The following CACNG5 variants were observed in gnomAD, a reference collection of about 807,000 sequenced individuals.
CACNG5 encodes the protein calcium voltage-gated channel auxiliary subunit gamma 5.
Under a neutral mutation model 24.8 loss-of-function variants are expected in CACNG5, and 18 were observed. The observed-to-expected ratio is 0.73, with a 90% CI of 0.50 to 1.08. CACNG5 has a LOEUF of 1.08. Among genes scored for constraint, CACNG5 ranks in the 50% least tolerant of loss-of-function variants. CACNG5 has a pLI of 0.00. For missense variants in CACNG5, 349 were observed against 367.9 expected, an observed-to-expected ratio of 0.95 and a Z score of 0.42; for synonymous variants, 157 against 149.1, an observed-to-expected ratio of 1.05 and a Z score of -0.39.
intron 1 of CACNG5, among the ~76,000 whole-genome samples, chr17:66,873,629 T>C (rs928891692): frequency 2.0e-5 from 3 of 152,184 alleles, no homozygotes; most frequent in African/African-American, 7.2e-5. Flanking sequence ...TAGTCCACTG[T>C]TGCTTAATAA....
intron 1 of CACNG5, 52 bp from the exon 2 acceptor site, chr17:66,877,178 G>A (rs1977091437): frequency 3.2e-6 from 2 of 622,822 alleles, no homozygotes; most frequent in Non-Finnish European, 5.6e-6. Context: ...CATCCATTGA[G>A]CCAGGTTGGG....
At chr17:66,847,347 T>C (rs1261307388) in intron 1 of CACNG5, among the ~76,000 whole-genome samples, 1 of 152,132 alleles carries the variant, frequency 6.6e-6, no homozygotes, top group Non-Finnish European at 1.5e-5. Context: ...GCTGGATAAT[T>C]TATAAAGAAA....
rs1454723457 is a variant in CACNG5, at chr17:66,886,932, G to T, written c.*1692G>T. ...ATGTGGTCTGTGTGCCCGTGTCCCT[G>T]GTGTCCCTCAGTGTGTCCACATTCC... On this transcript the variant is annotated 3_prime_UTR_variant, in exon 6 of 6. Transcript: ENST00000533854. Among the ~76,000 whole-genome samples the T allele has an allele frequency of 6.6e-6, 1 of 152,132 alleles. No individual in the cohort carries two copies. The highest frequency in any genetic ancestry group is 1.5e-5 in the Non-Finnish European group (1 of 68,030).
In CACNG5 at chr17:66,888,410, G is replaced by C. The variant is rs1977293772; in HGVS notation, c.*3170G>C. Among the ~76,000 whole-genome samples, 1 of 151,578 alleles carries C rather than the reference G, an allele frequency of 6.6e-6. No individual in the cohort carries two copies. The highest frequency in any genetic ancestry group is 2.4e-5 in the African/African-American group (1 of 41,308). On this transcript the variant is annotated 3_prime_UTR_variant, in exon 6 of 6. Transcript: ENST00000533854. The stretch of plus-strand genomic sequence containing the variant: ...ATACAAAAAATTAGCTGGGCGTGGT[G>C]GTGGGAGCCTGTAGTCCCAGCTACT...
chr17:66,882,146 G>C (rs1568073119), intron 4 of CACNG5, among the ~76,000 whole-genome samples: 1 of 152,182 alleles, frequency 6.6e-6, no homozygotes, highest in African/African-American at 2.4e-5. Context: ...GTGGAAAAGA[G>C]AGAAATGAGA....
In CACNG5 at chr17:66,878,987, G is replaced by A. The variant is rs763442575; in HGVS notation, c.212G>A (p.Arg71His). The change falls in exon 3 of 6, where the codon CGT (arginine) becomes CAT (histidine). Residue 71 changes from arginine (R) to histidine (H), a missense_variant. By Grantham distance (29) the Arg-to-His change is conservative. Transcript: ENST00000533854. The part of the protein sequence containing the change: ...VCFLAGEERG[R>H]CFTIEYVMPM... ...GTCTCCACAGGTGAGGAGCGGGGGCGTTGCTTCACCATAGAATATGTGATG... is the reference window on the plus strand; with the variant it reads ...GTCTCCACAGGTGAGGAGCGGGGGCATTGCTTCACCATAGAATATGTGATG... 8.4e-5 allele frequency: 135 copies of A among 1,613,066 alleles called. 1 individual carries two copies. The highest frequency in any genetic ancestry group is 2.7e-4 in the South Asian group (25 of 90,944).
At chr17:66,862,930 G>T (rs1027853025) in intron 1 of CACNG5, among the ~76,000 whole-genome samples, 1 of 140,528 alleles carries the variant, frequency 7.1e-6, no homozygotes, top group South Asian at 2.3e-4. Flanking sequence ...GTGTGTGTGT[G>T]TGTGTGTGTC....
Position 66,888,405 on chromosome 17 carries a change from G to C in CACNG5, c.*3165G>C, listed in dbSNP as rs1057285575. On this transcript the variant is annotated 3_prime_UTR_variant, in exon 6 of 6. Coordinates refer to ENST00000533854, the MANE Select transcript of CACNG5 (RefSeq NM_145811.3). Reference sequence around the variant, plus strand: ...TAAAAATACAAAAAATTAGCTGGGCGTGGTGGTGGGAGCCTGTAGTCCCAG... The same window carrying C: ...TAAAAATACAAAAAATTAGCTGGGCCTGGTGGTGGGAGCCTGTAGTCCCAG... Among the ~76,000 whole-genome samples, 1 of 151,546 alleles carries C rather than the reference G, an allele frequency of 6.6e-6. No homozygotes were observed. The highest frequency in any genetic ancestry group is 2.4e-5 in the African/African-American group (1 of 41,314).
In CACNG5 at chr17:66,889,365, G is replaced by A. The variant is rs1325584085; in HGVS notation, c.*4125G>A. The stretch of plus-strand genomic sequence containing the variant: ...TACCAGGGCTGCATGCAGAGCTGGG[G>A]TGGGGGCGTGGGGGAAATCCATAGG... On this transcript the variant is annotated 3_prime_UTR_variant, in exon 6 of 6. Transcript: ENST00000533854. Among the ~76,000 whole-genome samples the A allele has an allele frequency of 6.6e-6, 1 of 152,184 alleles. No homozygotes were observed. The highest frequency in any genetic ancestry group is 1.9e-4 in the East Asian group (1 of 5,192).
At chr17:66,839,661 G>A (rs1191642715) in intron 1 of CACNG5, among the ~76,000 whole-genome samples, 1 of 88,172 alleles carries the variant, frequency 1.1e-5, no homozygotes, top group East Asian at 9.7e-4. Context: ...GAAAATGGAG[G>A]AACATGGAGG....
intron 1 of CACNG5, among the ~76,000 whole-genome samples, chr17:66,840,432 G>A (rs753422678): frequency 9.9e-5 from 15 of 152,068 alleles, no homozygotes; most frequent in African/African-American, 2.7e-4. Flanking sequence ...ATGCTGCCCC[G>A]GCTTCCCCAG....
intron 1 of CACNG5, among the ~76,000 whole-genome samples, chr17:66,838,316 A>C (rs1345161477): frequency 6.6e-6 from 1 of 151,646 alleles, no homozygotes; most frequent in Non-Finnish European, 1.5e-5. Flanking sequence ...TGGGGGGAGC[A>C]GAGTTCGGCT....
chr17:66,837,325 A>C (rs946986515), intron 1 of CACNG5, among the ~76,000 whole-genome samples: 1 of 152,194 alleles, frequency 6.6e-6, no homozygotes, highest in Non-Finnish European at 1.5e-5. Context: ...TTGGATTCCC[A>C]AAAAGTGAGG....
chr17:66,859,213 G>A (rs182989244), intron 1 of CACNG5, among the ~76,000 whole-genome samples: 1 of 152,338 alleles, frequency 6.6e-6, no homozygotes, highest in East Asian at 1.9e-4. Flanking sequence ...TCTAGTTCAA[G>A]AGCCTCGCCC....
intron 1 of CACNG5, among the ~76,000 whole-genome samples, chr17:66,843,023 G>A (rs924931782): frequency 2.0e-5 from 3 of 152,358 alleles, no homozygotes; most frequent in Non-Finnish European, 4.4e-5. Flanking sequence ...GGACATTTCC[G>A]AAAGATGGTG....
At chr17:66,878,896 G>C (rs1462275340) in intron 2 of CACNG5, 76 bp from the exon 3 acceptor site, 23 of 1,230,094 alleles carry the variant, frequency 1.9e-5, no homozygotes, top group Non-Finnish European at 2.5e-5. Flanking sequence ...AAACACACTT[G>C]GAAATACCAT....
At chr17:66,843,521 C>T (rs1183399248) in intron 1 of CACNG5, among the ~76,000 whole-genome samples, 2 of 152,112 alleles carry the variant, frequency 1.3e-5, no homozygotes, top group Non-Finnish European at 2.9e-5. Flanking sequence ...AATGACCTTA[C>T]CAGGAGGTAG....
rs1458078532 is a variant in CACNG5 at position 66,892,217 on chromosome 17, C to T, written c.*6977C>T. 6.6e-6 allele frequency among the ~76,000 whole-genome samples: 1 copy of T among 152,268 alleles called. No homozygotes were observed. On this transcript the variant is annotated 3_prime_UTR_variant, in exon 6 of 6. Transcript: ENST00000533854. The stretch of plus-strand genomic sequence containing the variant: ...GTCTCAGCCTGCACCAGCCCCACCT[C>T]CTCCGACAAGGCTGTGCCTGGGGCA...
At chr17:66,882,092 G>T (rs2143124824) in intron 4 of CACNG5, among the ~76,000 whole-genome samples, 1 of 152,280 alleles carries the variant, frequency 6.6e-6, no homozygotes, top group East Asian at 1.9e-4. Context: ...TAGGCAAGAG[G>T]CTATTCCAGT....
Sources: gnomAD v4.1 joint callset for allele counts (sites outside exome capture counted in the v4.1 genomes callset) on GRCh38, gnomAD v4.1.1 for gene constraint, MANE v1.5 for transcripts, NCBI Gene and HGNC (gene_info 2026-07-23, HGNC 2026-07-21) for gene names.